The following KIAA1328 variants were observed in gnomAD, a reference collection of about 807,000 sequenced individuals.
The protein encoded by KIAA1328 is protein hinderin.
KIAA1328 carries 52 observed loss-of-function variants against 68.1 expected under a neutral mutation model. The ratio of observed to expected loss-of-function variants is 0.76; its 90% CI spans 0.61 to 0.96. The LOEUF (loss-of-function observed/expected upper bound fraction) is 0.96, where lower values mean the gene tolerates loss of function less well. KIAA1328 is among the 40% of genes least tolerant of loss of function. KIAA1328 has a pLI of 0.00. For synonymous variants in KIAA1328, 232 were observed against 239.4 expected (o/e 0.97, Z 0.28); for missense variants, 641 against 677.6 (o/e 0.95, Z 0.60).
At chr18:36,914,012 A>G (rs2049581096) in intron 5 of KIAA1328, among the ~76,000 whole-genome samples, 2 of 152,194 alleles carry the variant, frequency 1.3e-5, no homozygotes, top group Admixed American at 1.3e-4. Flanking sequence ...GGATGCTGTC[A>G]TGTGGTAATC....
chr18:36,840,311 A>T (rs2150789293), intron 3 of KIAA1328, among the ~76,000 whole-genome samples: 1 of 152,204 alleles, frequency 6.6e-6, no homozygotes, highest in Admixed American at 6.5e-5. Flanking sequence ...AAACTAGGGT[A>T]AATCTGGTCC....
intron 5 of KIAA1328, among the ~76,000 whole-genome samples, chr18:36,888,636 A>T (rs1201253065): frequency 5.3e-5 from 8 of 152,114 alleles, no homozygotes; most frequent in African/African-American, 1.9e-4. Context: ...AAAGGACATG[A>T]TTTTTTTAAA....
downstream of KIAA1328, chr18:37,229,547 C>T (rs1421129917): frequency 1.6e-6 from 2 of 1,273,632 alleles, no homozygotes; most frequent in African/African-American, 3.1e-5. Flanking sequence ...TTTACTTCTT[C>T]CCTTCTCTTT....
intron 6 of KIAA1328, among the ~76,000 whole-genome samples, chr18:37,035,201 CCATAGCCA>C (rs1457723048): frequency 6.6e-6 from 1 of 152,170 alleles, no homozygotes; most frequent in Non-Finnish European, 1.5e-5. Flanking sequence ...TGCTTACCTC[CCATAGCCA>C]GGTGGAATCC....
chr18:37,022,066 A>G (rs2054369352), intron 6 of KIAA1328, among the ~76,000 whole-genome samples: 1 of 151,668 alleles, frequency 6.6e-6, no homozygotes, highest in Non-Finnish European at 1.5e-5. Flanking sequence ...ATTAAAATAA[A>G]ATAAAATAAA....
chr18:37,211,178 C>T (rs908854039), intron 9 of KIAA1328, among the ~76,000 whole-genome samples: 1 of 152,180 alleles, frequency 6.6e-6, no homozygotes, highest in East Asian at 1.9e-4. Flanking sequence ...GCTTTAGTGT[C>T]ACCTCTTACT....
chr18:36,851,933 C>T (rs1407185263), intron 4 of KIAA1328, among the ~76,000 whole-genome samples: 1 of 151,830 alleles, frequency 6.6e-6, no homozygotes, highest in Non-Finnish European at 1.5e-5. Context: ...TATAAATTTT[C>T]CTCTGAGCAC....
intron 5 of KIAA1328, among the ~76,000 whole-genome samples, chr18:36,888,448 T>G (rs1013601586): frequency 6.6e-6 from 1 of 152,234 alleles, no homozygotes; most frequent in South Asian, 2.1e-4. Flanking sequence ...GTCAGACTTA[T>G]ATTACATATA....
intron 6 of KIAA1328, among the ~76,000 whole-genome samples, chr18:36,998,833 C>T (rs1248885940): frequency 6.6e-6 from 1 of 152,136 alleles, no homozygotes; most frequent in South Asian, 2.1e-4. Context: ...TACTGTGCCA[C>T]ATGTGCAGAT....
At chr18:36,916,335 A>C (rs1020634617) in intron 5 of KIAA1328, among the ~76,000 whole-genome samples, 4 of 152,054 alleles carry the variant, frequency 2.6e-5, no homozygotes, top group Non-Finnish European at 4.4e-5. Flanking sequence ...CACTGACTCA[A>C]TCTTCTGACA....
At chr18:36,964,446 C>A (rs1041965951) in intron 6 of KIAA1328, among the ~76,000 whole-genome samples, 4 of 152,186 alleles carry the variant, frequency 2.6e-5, no homozygotes, top group African/African-American at 9.7e-5. Flanking sequence ...TCGTTACTCT[C>A]TGTGCCTTAA....
At chr18:37,060,203 G>A (rs1304798841) in intron 6 of KIAA1328, among the ~76,000 whole-genome samples, 1 of 152,044 alleles carries the variant, frequency 6.6e-6, no homozygotes, top group Non-Finnish European at 1.5e-5. Context: ...GGCTGTTCTT[G>A]GAAAATGTAG....
intron 7 of KIAA1328, among the ~76,000 whole-genome samples, chr18:37,111,651 C>T (rs1273584280): frequency 1.3e-5 from 2 of 152,206 alleles, no homozygotes; most frequent in East Asian, 3.8e-4. Flanking sequence ...AACTGAGGCG[C>T]CTGGTTCATC....
At chr18:37,085,833 C>T (rs1289726202) in intron 7 of KIAA1328, among the ~76,000 whole-genome samples, 1 of 152,122 alleles carries the variant, frequency 6.6e-6, no homozygotes, top group East Asian at 1.9e-4. Flanking sequence ...ATATTTCTCT[C>T]TACATATATA....
chr18:37,141,879 A>T (rs2058773051), intron 7 of KIAA1328, among the ~76,000 whole-genome samples: 1 of 152,216 alleles, frequency 6.6e-6, no homozygotes. Flanking sequence ...ATTTGTTCAA[A>T]TCTTTTAACC....
chr18:36,981,248 A>C (rs965045488), intron 6 of KIAA1328, among the ~76,000 whole-genome samples: 2 of 152,168 alleles, frequency 1.3e-5, no homozygotes, highest in Non-Finnish European at 2.9e-5. Context: ...ACACTGATTC[A>C]ACAAATCAGA....
intron 6 of KIAA1328, among the ~76,000 whole-genome samples, chr18:37,031,573 C>T (rs1004054863): frequency 6.6e-6 from 1 of 152,184 alleles, no homozygotes; most frequent in Non-Finnish European, 1.5e-5. Flanking sequence ...TAAAGTAGGG[C>T]TTTCATAGAT....
At chr18:37,006,456 A>G (rs1303341064) in intron 6 of KIAA1328, among the ~76,000 whole-genome samples, 1 of 152,134 alleles carries the variant, frequency 6.6e-6, no homozygotes, top group Non-Finnish European at 1.5e-5. Flanking sequence ...ACAAATTCTT[A>G]GTTTGTAGTA....
chr18:37,226,715 CTTTTT>C (rs763991741), downstream of KIAA1328, among the ~76,000 whole-genome samples: 6 of 128,684 alleles, frequency 4.7e-5, no homozygotes, highest in Non-Finnish European at 8.1e-5. Context: ...GGGTTGTTCC[CTTTTT>C]TTTTTTTTTT....
Sources: gnomAD v4.1 joint callset for allele counts (sites outside exome capture counted in the v4.1 genomes callset) on GRCh38, gnomAD v4.1.1 for gene constraint, MANE v1.5 for transcripts, NCBI Gene and HGNC (gene_info 2026-07-23, HGNC 2026-07-21) for gene names.